The following UMAD1 variants were observed in gnomAD, a reference collection of about 807,000 sequenced individuals.
UMAD1 encodes the protein UBAP1-MVB12-associated (UMA) domain containing 1, also known as UBAP1-MVB12-associated (UMA)-domain containing protein 1.
UMAD1 carries 8 observed loss-of-function variants against 6.1 expected under a neutral mutation model. The ratio of observed to expected loss-of-function variants is 1.30; its 90% CI spans 0.76 to 2.35. The LOEUF is 2.35. UMAD1 is among the 30% of genes most tolerant of loss of function. The pLI is 0.00. For missense variants in UMAD1, 130 were observed against 78.4 expected, an observed-to-expected ratio of 1.66 and a Z score of -2.49; for synonymous variants, 56 against 31.4, an observed-to-expected ratio of 1.78 and a Z score of -2.61.
intron 2 of UMAD1, among the ~76,000 whole-genome samples, chr7:7,759,031 C>G (rs1411225676): frequency 6.6e-6 from 1 of 152,166 alleles, no homozygotes; most frequent in Non-Finnish European, 1.5e-5. Flanking sequence ...TAGATCTTTT[C>G]TAGCTCAAAA....
chr7:7,746,235 C>T (rs1371644171), intron 2 of UMAD1, among the ~76,000 whole-genome samples: 1 of 152,266 alleles, frequency 6.6e-6, no homozygotes, highest in African/African-American at 2.4e-5. Context: ...GCACAGTGTA[C>T]TGTTCTCACT....
intron 3 of UMAD1, among the ~76,000 whole-genome samples, chr7:7,874,620 C>A (rs1784384149): frequency 6.6e-6 from 1 of 152,144 alleles, no homozygotes; most frequent in Admixed American, 6.5e-5. Flanking sequence ...AGTTCGAGAC[C>A]AGCCTAGCCA....
intron 3 of UMAD1, among the ~76,000 whole-genome samples, chr7:7,854,768 C>T (rs1284870564): frequency 6.6e-6 from 1 of 152,174 alleles, no homozygotes; most frequent in Non-Finnish European, 1.5e-5. Flanking sequence ...AAGTCTTAAC[C>T]CAGCATTATT....
intron 3 of UMAD1, among the ~76,000 whole-genome samples, chr7:7,858,960 A>T (rs1784067083): frequency 6.6e-6 from 1 of 152,202 alleles, no homozygotes; most frequent in Non-Finnish European, 1.5e-5. Flanking sequence ...AATTTTAAAG[A>T]ACACAACTCA....
At chr7:7,690,792 A>G (rs2115136212) in intron 2 of UMAD1, among the ~76,000 whole-genome samples, 1 of 150,598 alleles carries the variant, frequency 6.6e-6, no homozygotes, top group East Asian at 1.9e-4. Context: ...TTCCCTTCAC[A>G]TATAAATGCT....
chr7:7,874,124 G>C lies in UMAD1; in HGVS notation c.157-3157G>C, dbSNP rs545262429. ...CCATGTGTCTCATCGCTCAGGCCAA[G>C]AGCTTTGGCTTTATCCTTAACTGTG... On this transcript the variant is annotated intron_variant, in intron 3 of 3. Transcript: ENST00000682710. 7.2e-5 allele frequency among the ~76,000 whole-genome samples: 11 copies of C among 152,260 alleles called. 1 individual carries two copies. The South Asian group carries it at 1.2e-3, about 17-fold the overall frequency.
intron 3 of UMAD1, among the ~76,000 whole-genome samples, chr7:7,802,391 A>G (rs929363470): frequency 2.0e-5 from 3 of 152,026 alleles, no homozygotes; most frequent in African/African-American, 7.3e-5. Context: ...AAAAAAAAAA[A>G]AATCCATTCA....
At chr7:7,854,666 A>C (rs539928675) in intron 3 of UMAD1, among the ~76,000 whole-genome samples, 2 of 152,174 alleles carry the variant, frequency 1.3e-5, no homozygotes, top group Admixed American at 1.3e-4. Flanking sequence ...GTGGGGACAC[A>C]GAGCCAAACC....
At chr7:7,857,365 T>G (rs73674547) in intron 3 of UMAD1, among the ~76,000 whole-genome samples, 2,020 of 152,334 alleles carry the variant, frequency 0.013, 41 homozygotes, top group African/African-American at 0.045. Context: ...GATCATGTGT[T>G]TCAGCCTGTT....
intron 2 of UMAD1, among the ~76,000 whole-genome samples, chr7:7,790,668 T>G (rs1782551831): frequency 1.3e-5 from 2 of 152,212 alleles, no homozygotes; most frequent in South Asian, 4.1e-4. Flanking sequence ...ACGAACACTT[T>G]AAGTATGGCA....
chr7:7,702,285 T>G (rs1457840650), intron 2 of UMAD1, among the ~76,000 whole-genome samples: 4 of 152,216 alleles, frequency 2.6e-5, no homozygotes, highest in Non-Finnish European at 4.4e-5. Flanking sequence ...TTATTGATAT[T>G]CTTCTTCAGG....
At chr7:7,826,583 T>C (rs1783346325) in intron 3 of UMAD1, among the ~76,000 whole-genome samples, 1 of 152,188 alleles carries the variant, frequency 6.6e-6, no homozygotes, top group African/African-American at 2.4e-5. Context: ...ATAGCTGGTC[T>C]ACCCATGCTG....
At chr7:7,693,295 T>TTATCTATC (rs1250261083) in intron 2 of UMAD1, among the ~76,000 whole-genome samples, 56,801 of 148,730 alleles carry the variant, frequency 0.38, 11,167 homozygotes, top group Non-Finnish European at 0.43. Context: ...TAAAATATCT[T>TTATCTATC]TATCTATCTA....
intron 2 of UMAD1, among the ~76,000 whole-genome samples, chr7:7,774,344 A>G (rs1219774747): frequency 6.6e-6 from 1 of 152,246 alleles, no homozygotes; most frequent in Non-Finnish European, 1.5e-5. Flanking sequence ...ATGCAGCAAT[A>G]GAATTATGGG....
At chr7:7,641,569 G>C (rs1263048742) in intron 1 of UMAD1, 1 of 152,250 alleles carries the variant, frequency 6.6e-6, no homozygotes, top group Non-Finnish European at 1.5e-5. Context: ...AGGGCGATCT[G>C]GAGGTCTGGA....
intron 2 of UMAD1, among the ~76,000 whole-genome samples, chr7:7,701,034 A>G (rs939513856): frequency 2.0e-5 from 3 of 152,196 alleles, no homozygotes; most frequent in African/African-American, 7.2e-5. Context: ...TGGGCAACAG[A>G]GGGAGACCTT....
chr7:7,832,135 G>A (rs556325354), intron 3 of UMAD1, among the ~76,000 whole-genome samples: 9 of 152,302 alleles, frequency 5.9e-5, no homozygotes, highest in African/African-American at 2.2e-4. Flanking sequence ...CCTGAATATT[G>A]AAGAATTGCT....
chr7:7,717,056 T>TTTC (rs1780929553), intron 2 of UMAD1, among the ~76,000 whole-genome samples: 2 of 149,700 alleles, frequency 1.3e-5, no homozygotes, highest in Admixed American at 6.6e-5. Flanking sequence ...TTCTTTCTTT[T>TTTC]TTTCTTTTTT....
At position 7,655,314 on chromosome 7, in the gene UMAD1, C is replaced by T. The variant is rs184159501; in HGVS notation, c.-64+14493C>T. Among the ~76,000 whole-genome samples, 222 of 152,058 alleles carry T rather than the reference C, an allele frequency of 1.5e-3. 2 individuals carry two copies. Among genetic ancestry groups the T allele is most frequent in the Middle Eastern group, 3.4e-3 (1 of 294 alleles). On this transcript the variant is annotated intron_variant, in intron 1 of 3. Coordinates refer to ENST00000682710, the MANE Select transcript of UMAD1 (RefSeq NM_001302348.2). Reference sequence around the variant, plus strand: ...TTAAGGATTTCATGTTTGAAATCCACGTGTCTCATTTGGAAAAAGCTTTTC... The same window carrying T: ...TTAAGGATTTCATGTTTGAAATCCATGTGTCTCATTTGGAAAAAGCTTTTC...
Sources: allele counts gnomAD v4.1 joint callset (sites outside exome capture counted in the v4.1 genomes callset), GRCh38; gene constraint gnomAD v4.1.1; transcripts MANE v1.5; gene names NCBI Gene and HGNC (gene_info 2026-07-23, HGNC 2026-07-21).